Variants in SLC22A25 observed in about 807,000 individuals in gnomAD.
SLC22A25 encodes solute carrier family 22 member 25.
A neutral mutation model predicts 45.9 loss-of-function variants in SLC22A25; 44 were observed. That is an observed-to-expected ratio of 0.96 (90% CI 0.75 to 1.23). The LOEUF (loss-of-function observed/expected upper bound fraction) is 1.23, where lower values mean the gene tolerates loss of function less well. Ranked by LOEUF, SLC22A25 falls within the 50% of genes most tolerant of loss-of-function variation. SLC22A25 has a pLI of 0.00. For synonymous variants in SLC22A25, 283 were observed against 238.6 expected (o/e 1.19, Z -1.72); for missense variants, 800 against 666.4 (o/e 1.20, Z -2.21).
intron 7 of SLC22A25, among the ~76,000 whole-genome samples, chr11:63,212,221 G>A (rs1170629651): frequency 8.3e-4 from 41 of 49,108 alleles, no homozygotes; most frequent in African/African-American, 2.9e-3. Context: ...CTGTTGGTGG[G>A]ACTGTAAACT....
chr11:63,237,766 A>T (rs753964371), intron 3 of SLC22A25, among the ~76,000 whole-genome samples, 115 bp downstream of exon 3: 3 of 152,198 alleles, frequency 2.0e-5, no homozygotes, highest in Non-Finnish European at 4.4e-5. Context: ...CACAGATTGT[A>T]GTACTCCATT....
intron 7 of SLC22A25, among the ~76,000 whole-genome samples, chr11:63,190,346 A>G (rs1375860465): frequency 1.3e-5 from 2 of 152,018 alleles, no homozygotes; most frequent in Non-Finnish European, 2.9e-5. Context: ...TCGGCTACTG[A>G]GGCTTGTGCA....
intron 7 of SLC22A25, among the ~76,000 whole-genome samples, chr11:63,186,878 G>T (rs1286738099): frequency 1.3e-5 from 2 of 151,916 alleles, no homozygotes; most frequent in African/African-American, 4.8e-5. Context: ...TATTTCTGAG[G>T]GCTCTGTTCT....
At chr11:63,170,492 C>T (rs750387022) in intron 9 of SLC22A25, among the ~76,000 whole-genome samples, 35 of 152,156 alleles carry the variant, frequency 2.3e-4, no homozygotes, top group Non-Finnish European at 4.6e-4. Flanking sequence ...GATATCACCG[C>T]TAACCCCACA....
chr11:63,219,984 A>T (rs1404877401), intron 5 of SLC22A25: 1 of 1,289,322 alleles, frequency 7.8e-7, no homozygotes. Flanking sequence ...CCCTCGTCAC[A>T]ATCAGTGGAG....
At position 63,180,528 on chromosome 11, in the gene SLC22A25, G is replaced by A. The variant is rs151008359; in HGVS notation, c.1070+132C>T. On this transcript the variant is annotated intron_variant, in intron 9 of 11. Transcript: ENST00000306494. ...AACCCTTTTACCACTTTTAAAAATA[G>A]CAATTCTCTTTATGGATTTATCATC... 5.1e-5 allele frequency: 32 copies of A among 627,476 alleles called. No homozygotes were observed. The African/African-American group carries it at 5.2e-4, about 10-fold the overall frequency. 38.9% of individuals were successfully genotyped at this position (627,476 alleles called of 1,614,324 possible). A position where few individuals can be genotyped will look rare whatever the true frequency, so the allele number is the denominator to read the frequency against.
chr11:63,191,115 CT>C (rs952812205), intron 7 of SLC22A25, among the ~76,000 whole-genome samples: 2 of 152,160 alleles, frequency 1.3e-5, no homozygotes, highest in African/African-American at 4.8e-5. Flanking sequence ...TTTCTGCTGC[CT>C]TTTGTTTGGC....
chr11:63,167,280 T>C, intron 9 of SLC22A25: 1 of 153,350 alleles, frequency 6.5e-6, no homozygotes, highest in Non-Finnish European at 1.5e-5. Flanking sequence ...GTTTTTTTTT[T>C]TTCCCCCAGT....
At chr11:63,180,989 A>C (rs2088300046) in intron 8 of SLC22A25, among the ~76,000 whole-genome samples, 1 of 152,142 alleles carries the variant, frequency 6.6e-6, no homozygotes, top group Non-Finnish European at 1.5e-5. Context: ...TATCAAGGCT[A>C]TTTTAGACAA....
intron 3 of SLC22A25, among the ~76,000 whole-genome samples, chr11:63,233,361 T>C (rs1435078163): frequency 2.6e-5 from 4 of 152,350 alleles, no homozygotes; most frequent in Admixed American, 2.0e-4. Flanking sequence ...GGTTTAGTCT[T>C]GGGCGGGTGT....
chr11:63,242,749 T>C (rs953981619), intron 1 of SLC22A25, among the ~76,000 whole-genome samples: 10 of 152,300 alleles, frequency 6.6e-5, no homozygotes, highest in African/African-American at 2.4e-4. Flanking sequence ...TAGACTGTGA[T>C]CCCTATGTTG....
chr11:63,229,636 A>C lies in SLC22A25; in HGVS notation c.17T>G (p.Leu6Arg), dbSNP rs768892245. 2 of 1,602,404 alleles carry C rather than the reference A, an allele frequency of 1.2e-6. No homozygotes were observed. The highest frequency in any genetic ancestry group is 1.7e-6 in the Non-Finnish European group (2 of 1,170,170). ...CCCCAGGCCTCCAACTTGATCTAGG[A>C]GGTCCTGAAAGGCCATTGAGGCTGG... MAFQD[L>R]LDQVGGLGRF... The change falls in exon 4 of 12, where the codon CTC becomes CGC. Residue 6 changes from leucine to arginine, a missense_variant. Leu to Arg is a moderately radical substitution (Grantham distance 102). Coordinates refer to ENST00000306494, the MANE Select transcript of SLC22A25 (RefSeq NM_199352.6).
intron 7 of SLC22A25, among the ~76,000 whole-genome samples, chr11:63,191,590 C>G (rs1182511230): frequency 3.9e-5 from 6 of 152,140 alleles, no homozygotes; most frequent in African/African-American, 1.2e-4. Flanking sequence ...TGAGATGAAC[C>G]TGGTACCTCA....
intron 7 of SLC22A25, among the ~76,000 whole-genome samples, chr11:63,196,033 C>A (rs113032607): frequency 0.078 from 11,912 of 152,184 alleles, 670 homozygotes; most frequent in African/African-American, 0.16. Context: ...GACATATCCA[C>A]CCTCCCAAGA....
rs573511976 is a variant in SLC22A25 at position 63,164,005 on chromosome 11, A to C, written c.1463T>G (p.Ile488Ser). The change falls in exon 12 of 12, where the codon ATC (isoleucine) becomes AGC (serine). Residue 488 changes from isoleucine to serine, a missense_variant. Physicochemically the swap from Ile to Ser is moderately radical, Grantham distance 142. Transcript: ENST00000306494. ...CAGGGGTCGAGAATATATGCTTAGG[A>C]TCATCATGAGGGAAGCCAGGGCTCC... ...IGGALASLMMILSIYSRPLPW... is the reference protein window; with the variant it reads ...IGGALASLMMSLSIYSRPLPW... 1 of 1,613,726 alleles carries C rather than the reference A, an allele frequency of 6.2e-7. No homozygotes were observed. Among genetic ancestry groups the C allele is most frequent in the South Asian group, 1.1e-5 (1 of 90,998 alleles).
rs749353650 is a variant in SLC22A25 at position 63,180,778 on chromosome 11, TCAA to T, written c.955-6_955-4del. ...TGCTTCATGGTGGATTTCAAAACCT[TCAA>T]CAACAACAGAAGCAATAAACTGTTC... On this transcript the variant is annotated splice_region_variant and splice_polypyrimidine_tract_variant and intron_variant, in intron 8 of 11. Transcript: ENST00000306494. 6 of 1,608,214 alleles carry T rather than the reference TCAA, an allele frequency of 3.7e-6. No homozygotes were observed. The highest frequency in any genetic ancestry group is 1.1e-5 in the South Asian group (1 of 90,612).
chr11:63,200,174 A>T (rs2089195239), intron 7 of SLC22A25, among the ~76,000 whole-genome samples: 1 of 151,762 alleles, frequency 6.6e-6, no homozygotes, highest in South Asian at 2.1e-4. Context: ...CATCATCCTG[A>T]CGCCAAAACC....
At chr11:63,181,297 T>G (rs922841090) in intron 8 of SLC22A25, among the ~76,000 whole-genome samples, 17 of 152,020 alleles carry the variant, frequency 1.1e-4, no homozygotes, top group Non-Finnish European at 1.9e-4. Context: ...ACTTTAAGTT[T>G]TAGGGTACAT....
At chr11:63,182,762 G>A (rs2088375600) in intron 8 of SLC22A25, among the ~76,000 whole-genome samples, 1 of 151,774 alleles carries the variant, frequency 6.6e-6, no homozygotes, top group Admixed American at 6.6e-5. Context: ...CTTCCTTCTG[G>A]GACTAAGTTC....
Sources: allele counts gnomAD v4.1 joint callset (sites outside exome capture counted in the v4.1 genomes callset), GRCh38; gene constraint gnomAD v4.1.1; transcripts MANE v1.5; gene names NCBI Gene and HGNC (gene_info 2026-07-23, HGNC 2026-07-21).